The following DSC3 variants were observed in gnomAD, a reference collection of about 807,000 sequenced individuals.
The protein encoded by DSC3 is desmocollin-3.
A neutral mutation model predicts 89.5 loss-of-function variants in DSC3; 97 were observed. That is an observed-to-expected ratio of 1.08 (90% CI 0.92 to 1.28). The LOEUF (loss-of-function observed/expected upper bound fraction) is 1.28, where lower values mean the gene tolerates loss of function less well. DSC3 is among the 50% of genes most tolerant of loss of function. The pLI is 0.00. For synonymous variants in DSC3, 436 were observed against 384.1 expected (o/e 1.14, Z -1.58); for missense variants, 1,199 against 1,085.3 (o/e 1.10, Z -1.47).
chr18:31,042,120 C>T (rs961838311), intron 1 of DSC3, among the ~76,000 whole-genome samples: 16 of 152,122 alleles, frequency 1.1e-4, no homozygotes, highest in African/African-American at 3.9e-4. Flanking sequence ...CCCGGCTCCA[C>T]TCACTAACGA....
At chr18:31,026,188 G>T (rs1005235889) in intron 4 of DSC3, among the ~76,000 whole-genome samples, 1 of 152,080 alleles carries the variant, frequency 6.6e-6, no homozygotes. Context: ...TTCTGGCAGA[G>T]AAAATAGGAA....
intron 9 of DSC3, among the ~76,000 whole-genome samples, chr18:31,017,505 C>T (rs935872332): frequency 1.3e-5 from 2 of 152,048 alleles, no homozygotes; most frequent in Admixed American, 1.3e-4. Context: ...AAAATAAGTT[C>T]ATTCATTGCT....
At chr18:31,001,855 T>C in intron 13 of DSC3, 116 bp from the exon 14 acceptor site, 2 of 822,286 alleles carry the variant, frequency 2.4e-6, no homozygotes, top group South Asian at 2.4e-5. Flanking sequence ...CTAAGCATGG[T>C]TTCCCATGAA....
At chr18:31,003,783 A>G (rs1474103409) in intron 13 of DSC3, among the ~76,000 whole-genome samples, 1 of 152,228 alleles carries the variant, frequency 6.6e-6, no homozygotes, top group Admixed American at 6.5e-5. Flanking sequence ...GACGGTAAGA[A>G]GATATGGAAT....
intron 1 of DSC3, among the ~76,000 whole-genome samples, chr18:31,032,516 A>G (rs1309276544): frequency 6.6e-6 from 1 of 151,980 alleles, no homozygotes; most frequent in Admixed American, 6.6e-5. Context: ...CAGGAACAAG[A>G]CAATGATGTC....
chr18:31,003,940 A>G (rs571788402), intron 13 of DSC3, among the ~76,000 whole-genome samples: 1 of 152,310 alleles, frequency 6.6e-6, no homozygotes, highest in East Asian at 1.9e-4. Flanking sequence ...AATTCTGTCT[A>G]AGCATAAAGT....
intron 6 of DSC3, 76 bp downstream of exon 6, chr18:31,024,273 T>C (rs1206646941): frequency 7.1e-7 from 1 of 1,406,948 alleles, no homozygotes; most frequent in African/African-American, 1.4e-5. Flanking sequence ...GCCTTGAGTA[T>C]AAAAAGCTCT....
intron 13 of DSC3, among the ~76,000 whole-genome samples, chr18:31,002,331 A>G (rs1567950123): frequency 6.6e-6 from 1 of 152,198 alleles, no homozygotes; most frequent in Non-Finnish European, 1.5e-5. Flanking sequence ...AGCACTACAT[A>G]TTTTTGTATG....
chr18:31,007,320 C>T (rs1984887963), intron 11 of DSC3, among the ~76,000 whole-genome samples, 189 bp from the exon 12 acceptor site: 1 of 152,132 alleles, frequency 6.6e-6, no homozygotes. Flanking sequence ...ACTATTGCTA[C>T]TGATAATATC....
At chr18:31,021,939 C>T (rs761075578) in intron 7 of DSC3, among the ~76,000 whole-genome samples, 5 of 152,010 alleles carry the variant, frequency 3.3e-5, no homozygotes, top group Admixed American at 2.6e-4. Flanking sequence ...CTAATCCTTT[C>T]CTCACTAAAA....
intron 4 of DSC3, among the ~76,000 whole-genome samples, chr18:31,026,229 G>A (rs973351054): frequency 3.9e-5 from 6 of 152,080 alleles, no homozygotes; most frequent in Non-Finnish European, 7.4e-5. Flanking sequence ...GTTTTACCTA[G>A]CATGTTCAAG....
intron 9 of DSC3, among the ~76,000 whole-genome samples, chr18:31,013,834 G>A (rs1044306228): frequency 3.3e-5 from 5 of 151,918 alleles, no homozygotes; most frequent in African/African-American, 1.2e-4. Flanking sequence ...GGACAATCAG[G>A]CAATAAAGCA....
intron 7 of DSC3, among the ~76,000 whole-genome samples, chr18:31,021,659 T>C (rs1228707076): frequency 1.3e-5 from 2 of 152,216 alleles, no homozygotes; most frequent in East Asian, 1.9e-4. Flanking sequence ...TAGTCAATAA[T>C]GCATGATTGC....
Position 30,994,528 on chromosome 18 carries a change from T to C in DSC3, c.2494-156A>G, listed in dbSNP as rs769737072. 4 of 1,538,516 alleles carry C rather than the reference T, an allele frequency of 2.6e-6. No individual in the cohort carries two copies. In the South Asian group the frequency reaches 4.5e-5, roughly 18 times the overall value. On this transcript the variant is annotated intron_variant, in intron 15 of 15. Coordinates refer to ENST00000360428, the MANE Select transcript of DSC3 (RefSeq NM_001941.5). ...ACAGAAAATGCAAATGATTGGTCTA[T>C]ATCACAACCATACCATAAAGTCAGT...
In DSC3 at chr18:31,007,116, G is replaced by GT. The variant is rs1365406893; in HGVS notation, c.1678dup (p.Thr560AsnfsTer9). 1 of 1,612,428 alleles carries GT rather than the reference G, an allele frequency of 6.2e-7. No homozygotes were observed. Among genetic ancestry groups the GT allele is most frequent in the Non-Finnish European group, 8.5e-7 (1 of 1,178,742 alleles). On this transcript the variant is annotated frameshift_variant, in exon 12 of 16. Transcript: ENST00000360428. LOFTEE classifies it high-confidence loss of function. ...TTCAATGTTCACAGCAAGTGTTCCA[G>GT]TACATGATCTATCATCTAAGGAGAC...
chr18:31,001,225 C>T (rs1984648801), intron 14 of DSC3, among the ~76,000 whole-genome samples: 2 of 151,230 alleles, frequency 1.3e-5, no homozygotes, highest in Admixed American at 1.3e-4. Context: ...AGATATATCT[C>T]ATTGATATTT....
At position 30,990,732 on chromosome 18, in the gene DSC3, C is replaced by G. The variant is rs1239764539; in HGVS notation, c.*3443G>C. On this transcript the variant is annotated 3_prime_UTR_variant, in exon 16 of 16. Coordinates refer to ENST00000360428, the MANE Select transcript of DSC3 (RefSeq NM_001941.5). ...ATGTTTTCCCTTGACTACACTGGTC[C>G]TCAAAGTAAAACCCCTGTGTCAGTG... The G allele has an allele frequency of 6.6e-6, 1 of 152,124 alleles. No homozygotes were observed. The highest frequency in any genetic ancestry group is 2.4e-5 in the African/African-American group (1 of 41,418). 9.4% of individuals were successfully genotyped at this position (152,124 alleles called of 1,614,324 possible).
intron 3 of DSC3, among the ~76,000 whole-genome samples, chr18:31,029,833 C>T (rs1985722238): frequency 6.6e-6 from 1 of 152,106 alleles, no homozygotes; most frequent in African/African-American, 2.4e-5. Context: ...TTTCAAGAAA[C>T]AGAGAATTTC....
rs1315089762 is a variant in DSC3, at chr18:30,996,898, C to T, written c.2386G>A (p.Gly796Arg). ...NQTLESCRGA[G>R]HHHTLDSCRG... ...CAGGAGTCCAGGGTATGATGATGCC[C>T]AGCCCCCCGGCAGGATTCCAAGGTC... is the stretch of plus-strand genomic sequence containing the variant. The change falls in exon 15 of 16, where the codon GGG becomes AGG. Residue 796 changes from glycine to arginine, a missense_variant. Transcript: ENST00000360428. The T allele has an allele frequency of 3.1e-6, 5 of 1,613,954 alleles. No homozygotes were observed. The highest frequency in any genetic ancestry group is 3.3e-5 in the Admixed American group (2 of 59,994).
Sources: gnomAD v4.1 joint callset for allele counts (sites outside exome capture counted in the v4.1 genomes callset) on GRCh38, gnomAD v4.1.1 for gene constraint, MANE v1.5 for transcripts, NCBI Gene and HGNC (gene_info 2026-07-23, HGNC 2026-07-21) for gene names.